The following EPOR variants were observed in gnomAD, a reference collection of about 807,000 sequenced individuals.
EPOR encodes erythropoietin receptor.
In EPOR, 20 loss-of-function variants were observed where a neutral mutation model predicts 34.3. That is an observed-to-expected ratio of 0.58 (90% CI 0.41 to 0.85). The LOEUF (loss-of-function observed/expected upper bound fraction) is 0.85. EPOR is among the 40% of genes least tolerant of loss of function. The pLI, the probability that EPOR is intolerant of heterozygous loss-of-function variation, is 0.00. For missense variants in EPOR, 601 were observed against 672.7 expected (o/e 0.89, Z 1.18); for synonymous variants, 312 against 299.0 (o/e 1.04, Z -0.45).
intron 6 of EPOR, among the ~76,000 whole-genome samples, chr19:11,380,270 G>A (rs1968338131): frequency 2.0e-5 from 3 of 152,222 alleles, no homozygotes. Flanking sequence ...GATCCACAAG[G>A]TCAGGGACTT....
In EPOR at chr19:11,378,378, C is replaced by T. The variant is rs765048222; in HGVS notation, c.1133G>A (p.Arg378Gln). 2.7e-5 allele frequency: 43 copies of T among 1,613,324 alleles called. No individual in the cohort carries two copies. The highest frequency in any genetic ancestry group is 2.5e-4 in the South Asian group (23 of 91,088). Residue 378 changes from arginine to glutamine, a missense_variant, in exon 8 of 8, where the codon CGG becomes CAG. Transcript: ENST00000222139. This position sits in a 1 kb window ranked among gnomAD's most constrained non-coding sequence, Gnocchi z 5.3. ...YLVLDKWLLP[R>Q]NPPSEDLPGP... is the part of the protein sequence containing the mutation. ...TGGGAGGTCCTCACTGGGCGGGTTC[C>T]GGGGCAGCAACCATTTGTCCAGCAC...
At position 11,383,394 on chromosome 19, in the gene EPOR, G is replaced by GC. The variant is rs1418766167; in HGVS notation, c.116-163dup. ...CCTTGGAGGGGTCCGCAGAGGTGGT[G>GC]CCCCCCTAATTCCCAGGGGCAAGTT... On this transcript the variant is annotated intron_variant, in intron 1 of 7. Transcript: ENST00000222139. The surrounding 1 kb of genome is among the most constrained non-coding windows in gnomAD (Gnocchi z 4.9). The GC allele has an allele frequency of 4.4e-6, 3 of 678,364 alleles. No individual in the cohort carries two copies. Among genetic ancestry groups the GC allele is most frequent in the East Asian group, 2.8e-5 (1 of 35,620 alleles). 42.0% of individuals were successfully genotyped at this position (678,364 alleles called of 1,614,324 possible).
At chr19:11,380,808 G>C (rs138710419) in intron 6 of EPOR, 76 bp downstream of exon 6, 65 of 1,229,620 alleles carry the variant, frequency 5.3e-5, no homozygotes, top group East Asian at 4.8e-4. Context: ...GTCTCTCTCT[G>C]AGCCTAGGTT....
At chr19:11,380,795 C>A (rs1968344051) in intron 6 of EPOR, 89 bp downstream of exon 6, 2 of 1,080,592 alleles carry the variant, frequency 1.9e-6, no homozygotes, top group South Asian at 1.4e-5. Context: ...TGGGCAAGTG[C>A]GTGTCTCTCT....
At chr19:11,382,891 G>A (rs1360687193) in intron 2 of EPOR, 1 of 1,525,384 alleles carries the variant, frequency 6.6e-7, no homozygotes, top group Admixed American at 2.0e-5. Flanking sequence ...GTTTGGGGTC[G>A]CGTTCCAGCG....
At position 11,377,618 on chromosome 19, in the gene EPOR, T is replaced by C; in HGVS notation, c.*366A>G. ...AGTAAGATTTAAGAGCTGTTTAACA[T>C]ACTATTTTGTTATGTTATGAGTAGC... is the stretch of plus-strand genomic sequence containing the variant. On this transcript the variant is annotated 3_prime_UTR_variant, in exon 8 of 8. Transcript: ENST00000222139. The C allele has an allele frequency of 2.1e-6, 1 of 471,218 alleles. No individual in the cohort carries two copies. The highest frequency in any genetic ancestry group is 4.2e-6 in the Non-Finnish European group (1 of 238,934). The allele number at this position is 471,218 out of a possible 1,614,324, so 29.2% of individuals were successfully genotyped here. A position where few individuals can be genotyped will look rare whatever the true frequency, so the allele number is the denominator to read the frequency against.
In EPOR at chr19:11,378,181, CAGG is replaced by C. The variant is rs1352552139; in HGVS notation, c.1327_1329del (p.Pro443del). The stretch of plus-strand genomic sequence containing the variant: ...AGGTGGGGTGGGGTAGGGGGCAGCT[CAGG>C]GCACAGTGTCCATGGACGCAAGAGC... On this transcript the variant is annotated inframe_deletion, in exon 8 of 8. Transcript: ENST00000222139. The surrounding 1 kb of genome is among the most constrained non-coding windows in gnomAD (Gnocchi z 5.3). 1 of 1,614,090 alleles carries C rather than the reference CAGG, an allele frequency of 6.2e-7. No homozygotes were observed.
chr19:11,378,869 C>T lies in EPOR; in HGVS notation c.828-91G>A. 1 of 1,281,218 alleles carries T rather than the reference C, an allele frequency of 7.8e-7. No homozygotes were observed. The highest frequency in any genetic ancestry group is 1.1e-6 in the Non-Finnish European group (1 of 898,124). The allele number at this position is 1,281,218 out of a possible 1,614,324, so 79.4% of individuals were successfully genotyped here. ...ACTCCCAGTCATAGAGGCACAGATA[C>T]ACTTGGTCCCTGTGATCACAATGGA... On this transcript the variant is annotated intron_variant, in intron 6 of 7. Transcript: ENST00000222139. The surrounding 1 kb of genome is among the most constrained non-coding windows in gnomAD (Gnocchi z 5.3).
chr19:11,382,674 TAA>T (rs1456895137), intron 2 of EPOR, among the ~76,000 whole-genome samples: 3 of 152,036 alleles, frequency 2.0e-5, no homozygotes, highest in Non-Finnish European at 2.9e-5. Context: ...AATTTTTTTT[TAA>T]GAGACGGGGA....
At position 11,381,255 on chromosome 19, in the gene EPOR, A is replaced by T; in HGVS notation, c.586-46T>A. 1 of 1,545,722 alleles carries T rather than the reference A, an allele frequency of 6.5e-7. No homozygotes were observed. Among genetic ancestry groups the T allele is most frequent in the Non-Finnish European group, 8.7e-7 (1 of 1,144,556 alleles). On this transcript the variant is annotated intron_variant, in intron 4 of 7. Transcript: ENST00000222139. This position sits in a 1 kb window ranked among gnomAD's most constrained non-coding sequence, Gnocchi z 5.3. Reference sequence around the variant, plus strand: ...AGGGACGCGTAGCAGACAAAAATAGATGACGTGGGGGCGGGCCCTGGTGGA... The same window carrying T: ...AGGGACGCGTAGCAGACAAAAATAGTTGACGTGGGGGCGGGCCCTGGTGGA...
At position 11,381,264 on chromosome 19, in the gene EPOR, G is replaced by A. The variant is rs1968353843; in HGVS notation, c.586-55C>T. On this transcript the variant is annotated intron_variant, in intron 4 of 7. Transcript: ENST00000222139. The surrounding 1 kb of genome is among the most constrained non-coding windows in gnomAD (Gnocchi z 5.3). Reference sequence around the variant, plus strand: ...TAGCAGACAAAAATAGATGACGTGGGGGCGGGCCCTGGTGGAACTGAGCCA... The same window carrying A: ...TAGCAGACAAAAATAGATGACGTGGAGGCGGGCCCTGGTGGAACTGAGCCA... 2 of 1,539,962 alleles carry A rather than the reference G, an allele frequency of 1.3e-6. No homozygotes were observed. The highest frequency in any genetic ancestry group is 1.8e-6 in the Non-Finnish European group (2 of 1,139,754).
rs201571204 is a variant in EPOR at position 11,378,526 on chromosome 19, C to T, written c.985G>A (p.Ala329Thr). The change falls in exon 8 of 8, where the codon GCT (alanine) becomes ACT (threonine). Residue 329 changes from alanine (A) to threonine (T), a missense_variant. Physicochemically the swap from Ala to Thr is moderately conservative, Grantham distance 58. Transcript: ENST00000222139. The surrounding 1 kb of genome is among the most constrained non-coding windows in gnomAD (Gnocchi z 5.3). ...CGCTCTGAGAGGACTTCCAGGGAAGCAGGTGGGTCCTCCGTGAAGGGGGTG... is the reference window on the plus strand; with the variant it reads ...CGCTCTGAGAGGACTTCCAGGGAAGTAGGTGGGTCCTCCGTGAAGGGGGTG... ...PCTPFTEDPP[A>T]SLEVLSERCW... is the part of the protein sequence containing the mutation. 1 of 1,614,208 alleles carries T rather than the reference C, an allele frequency of 6.2e-7. No individual in the cohort carries two copies. Among genetic ancestry groups the T allele is most frequent in the Non-Finnish European group, 8.5e-7 (1 of 1,180,030 alleles).
Position 11,378,583 on chromosome 19 carries a change from G to C in EPOR, c.928C>G (p.Gln310Glu). 2 of 1,614,180 alleles carry C rather than the reference G, an allele frequency of 1.2e-6. No homozygotes were observed. Among genetic ancestry groups the C allele is most frequent in the Non-Finnish European group, 1.7e-6 (2 of 1,180,036 alleles). ...CTCCACCACAGGCAGCCATCATTCT[G>C]GTACAGCCACAGCTGAAGAAATAGC... is the stretch of plus-strand genomic sequence containing the variant. ...HKGNFQLWLY[Q>E]NDGCLWWSPC... is the part of the protein sequence containing the mutation. The change falls in exon 8 of 8, where the codon CAG (glutamine) becomes GAG (glutamate). Residue 310 changes from glutamine to glutamate, a missense_variant. Physicochemically the swap from Gln to Glu is conservative, Grantham distance 29. Transcript: ENST00000222139. This position sits in a 1 kb window ranked among gnomAD's most constrained non-coding sequence, Gnocchi z 5.3.
In EPOR at chr19:11,378,351, C is replaced by T. The variant is rs2144694273; in HGVS notation, c.1160G>A (p.Gly387Glu). The T allele has an allele frequency of 6.2e-7, 1 of 1,613,282 alleles. No individual in the cohort carries two copies. The highest frequency in any genetic ancestry group is 1.1e-5 in the South Asian group (1 of 91,076). The change falls in exon 8 of 8, where the codon GGG (glycine) becomes GAG (glutamate). Residue 387 changes from glycine to glutamate, a missense_variant. Physicochemically the swap from Gly to Glu is moderately conservative, Grantham distance 98 (BLOSUM62 -2). Transcript: ENST00000222139. The surrounding 1 kb of genome is among the most constrained non-coding windows in gnomAD (Gnocchi z 5.3). ...PRNPPSEDLP[G>E]PGGSVDIVAM... is the part of the protein sequence containing the mutation. ...CACTATGTCCACACTGCCACCAGGCCCTGGGAGGTCCTCACTGGGCGGGTT... is the reference window on the plus strand; with the variant it reads ...CACTATGTCCACACTGCCACCAGGCTCTGGGAGGTCCTCACTGGGCGGGTT...
rs769244493 is a variant in EPOR, at chr19:11,383,265, G to T, written c.116-33C>A. On this transcript the variant is annotated intron_variant, in intron 1 of 7. Coordinates refer to ENST00000222139, the MANE Select transcript of EPOR (RefSeq NM_000121.4). The surrounding 1 kb of genome is among the most constrained non-coding windows in gnomAD (Gnocchi z 4.9). ...GGGGCGACAAAGGAAGGGCATGGGG[G>T]TCTGAGCTCTATCCTCGGGAGACAG... 6 of 1,558,124 alleles carry T rather than the reference G, an allele frequency of 3.9e-6. No homozygotes were observed. The highest frequency in any genetic ancestry group is 5.2e-6 in the Non-Finnish European group (6 of 1,156,054).
chr19:11,383,079 C>T lies in EPOR; in HGVS notation c.251+18G>A, dbSNP rs1390163726. 2.5e-6 allele frequency: 4 copies of T among 1,613,312 alleles called. No individual in the cohort carries two copies. The highest frequency in any genetic ancestry group is 3.4e-6 in the Non-Finnish European group (4 of 1,179,834). On this transcript the variant is annotated intron_variant, in intron 2 of 7. Coordinates refer to ENST00000222139, the MANE Select transcript of EPOR (RefSeq NM_000121.4). This position sits in a 1 kb window ranked among gnomAD's most constrained non-coding sequence, Gnocchi z 4.9. ...CCCCTCCCTCCGCCCTTGGAGGCAC[C>T]CGCCGGATCGGACTCACTCGAGCTG... is the stretch of plus-strand genomic sequence containing the variant.
In EPOR at chr19:11,381,904, C is replaced by T. The variant is rs1568329729; in HGVS notation, c.427+26G>A. On this transcript the variant is annotated intron_variant, in intron 3 of 7. Transcript: ENST00000222139. The surrounding 1 kb of genome is among the most constrained non-coding windows in gnomAD (Gnocchi z 5.3). ...GAGGACTGAGACCCTCTCCTCCGAC[C>T]ACTCCTCCATTCCCAGAGCACTTAC... 6.2e-7 allele frequency: 1 copy of T among 1,614,236 alleles called. No homozygotes were observed. Among genetic ancestry groups the T allele is most frequent in the East Asian group, 2.2e-5 (1 of 44,890 alleles).
Position 11,381,737 on chromosome 19 carries a change from G to A in EPOR, c.540C>T (p.Tyr180=), listed in dbSNP as rs750107289. ...PETPMTSHIR[Y]EVDVSAGNGA... is the part of the protein sequence containing the mutation. The stretch of plus-strand genomic sequence containing the variant: ...CGTTGCCGGCCGAGACGTCCACCTC[G>A]TAGCGGATGTGAGACGTCATGGGTG... The change falls in exon 4 of 8, where the codon TAC becomes TAT. Residue 180 remains tyrosine (Y), a synonymous_variant. Transcript: ENST00000222139. This position sits in a 1 kb window ranked among gnomAD's most constrained non-coding sequence, Gnocchi z 5.3. 1.2e-6 allele frequency: 2 copies of A among 1,612,852 alleles called. No homozygotes were observed. The highest frequency in any genetic ancestry group is 1.7e-6 in the Non-Finnish European group (2 of 1,179,556).
At position 11,378,439 on chromosome 19, in the gene EPOR, G is replaced by A. The variant is rs183679845; in HGVS notation, c.1072C>T (p.Pro358Ser). ...TCCTGGGCATGCTCACTGCCCACTG[G>A]CTCCAGCAGGGGGCCCTCATCATCT... Reference protein sequence around the residue: ...GTDDEGPLLEPVGSEHAQDTY... With the variant: ...GTDDEGPLLESVGSEHAQDTY... The change falls in exon 8 of 8, where the codon CCA becomes TCA. Residue 358 changes from proline to serine, a missense_variant. Coordinates refer to ENST00000222139, the MANE Select transcript of EPOR (RefSeq NM_000121.4). This position sits in a 1 kb window ranked among gnomAD's most constrained non-coding sequence, Gnocchi z 5.3. The A allele has an allele frequency of 2.5e-6, 4 of 1,614,078 alleles. No individual in the cohort carries two copies. The African/African-American group carries it at 4.0e-5, about 16-fold the overall frequency.
Sources: allele counts gnomAD v4.1 joint callset (sites outside exome capture counted in the v4.1 genomes callset), GRCh38; gene constraint gnomAD v4.1.1; non-coding constraint Gnocchi (gnomAD v3.1); transcripts MANE v1.5; gene names NCBI Gene and HGNC (gene_info 2026-07-23, HGNC 2026-07-21).